Variants in NELL1 observed in about 807,000 individuals in gnomAD.
The protein encoded by NELL1 is neural EGFL like 1, also known as protein kinase C-binding protein NELL1.
A neutral mutation model predicts 107.4 loss-of-function variants in NELL1; 76 were observed. That is an observed-to-expected ratio of 0.71 (90% CI 0.59 to 0.86). NELL1 has a LOEUF of 0.86. Ranked by LOEUF, NELL1 falls within the 40% of genes least tolerant of loss-of-function variation. NELL1 has a pLI of 0.00. For missense variants in NELL1, 1,024 were observed against 1,005.5 expected (o/e 1.02, Z -0.25); for synonymous variants, 353 against 341.2 (o/e 1.03, Z -0.38).
At chr11:20,823,827 A>C in intron 3 of NELL1, among the ~76,000 whole-genome samples, 1 of 151,256 alleles carries the variant, frequency 6.6e-6, no homozygotes, top group East Asian at 1.9e-4. Flanking sequence ...GAAATCCTTC[A>C]GAAATGCCCC....
At chr11:20,977,658 A>G (rs987207359) in intron 12 of NELL1, among the ~76,000 whole-genome samples, 1 of 152,226 alleles carries the variant, frequency 6.6e-6, no homozygotes, top group African/African-American at 2.4e-5. Context: ...AGTGCATAAG[A>G]CACTCTTATT....
chr11:21,040,369 C>G (rs1454603004), intron 12 of NELL1, among the ~76,000 whole-genome samples: 1 of 152,018 alleles, frequency 6.6e-6, no homozygotes, highest in Non-Finnish European at 1.5e-5. Flanking sequence ...CATCTTTTTA[C>G]TCATCTTTGT....
At chr11:21,298,843 C>T (rs1046808200) in intron 14 of NELL1, among the ~76,000 whole-genome samples, 38 of 151,990 alleles carry the variant, frequency 2.5e-4, no homozygotes, top group Non-Finnish European at 4.9e-4. Context: ...CACTCTTCTA[C>T]CTGATACTTT....
rs1439441485 is a variant in NELL1, at chr11:21,560,319, G to A, written c.1917G>A (p.Gly639=). 1.2e-5 allele frequency: 20 copies of A among 1,612,788 alleles called. No homozygotes were observed. The highest frequency in any genetic ancestry group is 1.5e-5 in the Non-Finnish European group (18 of 1,179,450). Residue 639 remains glycine (G), a synonymous_variant, in exon 17 of 20, where the codon GGG becomes GGA. Coordinates refer to ENST00000357134, the MANE Select transcript of NELL1 (RefSeq NM_006157.5). ...CTGGTGACTGTCCTCATGAAGGGGG[G>A]CTGAAGCACAATGGCCAGGTGTGGA... The part of the protein sequence containing the change: ...SCSGDCPHEG[G]LKHNGQVWTL...
intron 14 of NELL1, among the ~76,000 whole-genome samples, chr11:21,273,955 AT>A (rs1848796667): frequency 6.6e-6 from 1 of 152,222 alleles, no homozygotes; most frequent in Non-Finnish European, 1.5e-5. Context: ...AACATGCCAA[AT>A]TGTAAAGACT....
At chr11:21,020,427 A>G (rs575515933) in intron 12 of NELL1, among the ~76,000 whole-genome samples, 1 of 152,238 alleles carries the variant, frequency 6.6e-6, no homozygotes, top group South Asian at 2.1e-4. Context: ...ATAGAACCGT[A>G]TATGCTCTAC....
chr11:21,356,669 T>C (rs1320043030), intron 14 of NELL1, among the ~76,000 whole-genome samples: 2 of 152,228 alleles, frequency 1.3e-5, no homozygotes, highest in Non-Finnish European at 2.9e-5. Flanking sequence ...AATTTGTTTA[T>C]TAAAATAGTT....
intron 1 of NELL1, among the ~76,000 whole-genome samples, chr11:20,675,542 T>G (rs1854033579): frequency 6.6e-6 from 1 of 152,186 alleles, no homozygotes; most frequent in African/African-American, 2.4e-5. Flanking sequence ...GGGTGCTTCC[T>G]TCTTCTTGCG....
chr11:21,478,268 C>G, intron 15 of NELL1, among the ~76,000 whole-genome samples: 1 of 152,056 alleles, frequency 6.6e-6, no homozygotes, highest in Non-Finnish European at 1.5e-5. Flanking sequence ...TCACCAGGTC[C>G]CTCCCTCGAC....
intron 12 of NELL1, among the ~76,000 whole-genome samples, chr11:20,993,950 A>G (rs923832472): frequency 6.6e-6 from 1 of 152,162 alleles, no homozygotes; most frequent in African/African-American, 2.4e-5. Flanking sequence ...TGCATCCTCA[A>G]TAATATTTGA....
At chr11:20,705,094 G>A (rs892415299) in intron 2 of NELL1, among the ~76,000 whole-genome samples, 4 of 152,068 alleles carry the variant, frequency 2.6e-5, no homozygotes, top group African/African-American at 7.2e-5. Context: ...TGCCCAAGGT[G>A]ATTTACAGAT....
At chr11:21,479,495 T>C (rs532375182) in intron 15 of NELL1, among the ~76,000 whole-genome samples, 10 of 152,236 alleles carry the variant, frequency 6.6e-5, no homozygotes, top group African/African-American at 2.2e-4. Flanking sequence ...TTTAAACAGT[T>C]AACTAATAGA....
rs371397856 is a variant in NELL1 at position 21,142,521 on chromosome 11, G to A, written c.1426+28807G>A. Among the ~76,000 whole-genome samples the A allele has an allele frequency of 1.8e-4, 27 of 152,312 alleles. No homozygotes were observed. In the South Asian group the frequency reaches 2.5e-3, roughly 14 times the overall value. On this transcript the variant is annotated intron_variant, in intron 13 of 19. Coordinates refer to ENST00000357134, the MANE Select transcript of NELL1 (RefSeq NM_006157.5). Reference sequence around the variant, plus strand: ...GATGGGACAGAGGTTTCCATTTTGCGGGCTTAAATCACGGCAGAGGCATGG... The same window carrying A: ...GATGGGACAGAGGTTTCCATTTTGCAGGCTTAAATCACGGCAGAGGCATGG...
At chr11:21,190,956 A>T (rs1289478534) in intron 13 of NELL1, among the ~76,000 whole-genome samples, 2 of 151,722 alleles carry the variant, frequency 1.3e-5, no homozygotes, top group Non-Finnish European at 2.9e-5. Context: ...AAGATTTTGT[A>T]TGTAATGTTG....
intron 15 of NELL1, among the ~76,000 whole-genome samples, chr11:21,469,562 T>A (rs1459224306): frequency 6.6e-6 from 1 of 152,116 alleles, no homozygotes; most frequent in Non-Finnish European, 1.5e-5. Flanking sequence ...CCTATCAAAA[T>A]GGACTTCCTT....
intron 4 of NELL1, among the ~76,000 whole-genome samples, chr11:20,848,116 G>T (rs1044375438): frequency 6.6e-6 from 1 of 152,158 alleles, no homozygotes; most frequent in Non-Finnish European, 1.5e-5. Flanking sequence ...ACTGGGAAGC[G>T]AATAAGCTTG....
intron 16 of NELL1, among the ~76,000 whole-genome samples, chr11:21,554,639 G>A (rs1394794856): frequency 6.6e-6 from 1 of 151,830 alleles, no homozygotes; most frequent in Admixed American, 6.6e-5. Context: ...AACAATAATA[G>A]TGACTAATCA....
chr11:20,721,327 T>C (rs1855383915), intron 2 of NELL1, among the ~76,000 whole-genome samples: 1 of 151,656 alleles, frequency 6.6e-6, no homozygotes, highest in Admixed American at 6.6e-5. Flanking sequence ...GAAGACTGGA[T>C]GTTGTTGCAA....
At chr11:20,960,651 T>G in intron 12 of NELL1, 91 bp downstream of exon 12, 1 of 1,431,852 alleles carries the variant, frequency 7.0e-7, no homozygotes, top group Non-Finnish European at 9.7e-7. Context: ...AACTATCACT[T>G]GGCTGTGGTC....
Sources: gnomAD v4.1 joint callset for allele counts (sites outside exome capture counted in the v4.1 genomes callset) on GRCh38, gnomAD v4.1.1 for gene constraint, MANE v1.5 for transcripts, NCBI Gene and HGNC (gene_info 2026-07-23, HGNC 2026-07-21) for gene names.